Variants in CHD5 observed in about 807,000 individuals in gnomAD.
CHD5 encodes the protein ATP-dependent chromatin remodeler CHD5.
In CHD5, 69 loss-of-function variants were observed where a neutral mutation model predicts 230.3. The observed-to-expected ratio is 0.30, with a 90% CI of 0.25 to 0.37. The LOEUF is 0.37. CHD5 is among the 10% of genes least tolerant of loss of function. The pLI, the probability that CHD5 is intolerant of heterozygous loss-of-function variation, is 1.00. For synonymous variants in CHD5, 1,064 were observed against 1,065.9 expected, an observed-to-expected ratio of 1.00 and a Z score of 0.03; for missense variants, 1,827 against 2,622.8, an observed-to-expected ratio of 0.70 and a Z score of 6.63.
intron 38 of CHD5, 54 bp downstream of exon 38, chr1:6,109,741 G>T (rs1459822323): frequency 1.3e-6 from 2 of 1,497,516 alleles, no homozygotes; most frequent in Admixed American, 1.8e-5. Flanking sequence ...AAGAGCGCTC[G>T]CTGGGCAGGA....
chr1:6,116,600 A>G (rs1206178776), intron 33 of CHD5, among the ~76,000 whole-genome samples: 1 of 152,234 alleles, frequency 6.6e-6, no homozygotes, highest in Non-Finnish European at 1.5e-5. Flanking sequence ...CAATTACACC[A>G]ACAGCAGCCT....
chr1:6,129,166 A>C lies in CHD5; in HGVS notation c.3388-97T>G. On this transcript the variant is annotated intron_variant, in intron 22 of 41. Transcript: ENST00000262450. The surrounding 1 kb of genome is among the most constrained non-coding windows in gnomAD (Gnocchi z 6.8). ...AGCTCAAGAGCATGGAATGGGCTGCATGACTGTGTAGGGAAAGGCGTGTGG... is the reference window on the plus strand; with the variant it reads ...AGCTCAAGAGCATGGAATGGGCTGCCTGACTGTGTAGGGAAAGGCGTGTGG... 1.2e-6 allele frequency: 1 copy of C among 823,890 alleles called. No homozygotes were observed. Among genetic ancestry groups the C allele is most frequent in the Non-Finnish European group, 2.0e-6 (1 of 511,902 alleles). The allele number at this position is 823,890 out of a possible 1,614,324, so 51.0% of individuals were successfully genotyped here.
intron 1 of CHD5, among the ~76,000 whole-genome samples, chr1:6,171,260 G>C (rs995026909): frequency 3.3e-5 from 5 of 152,214 alleles, no homozygotes; most frequent in African/African-American, 1.2e-4. Context: ...CCCACGCCCA[G>C]AACAGGCCTT....
At chr1:6,133,837 G>T (rs10864380) in intron 20 of CHD5, among the ~76,000 whole-genome samples, 28,088 of 152,212 alleles carry the variant, frequency 0.18, 3,423 homozygotes, top group East Asian at 0.66. Flanking sequence ...AAGCCAGGCT[G>T]CGGGGGAGAG....
Position 6,151,126 on chromosome 1 carries a change from G to C in CHD5, c.900C>G (p.Asp300Glu). The C allele has an allele frequency of 6.2e-7, 1 of 1,609,158 alleles. No individual in the cohort carries two copies. Among genetic ancestry groups the C allele is most frequent in the Non-Finnish European group, 8.5e-7 (1 of 1,177,512 alleles). ...CACTGTGGATGCTGGCGCTGTCGAA[G>C]TCCGACTCCTCCCTCTCATCTTCTT... is the stretch of plus-strand genomic sequence containing the variant. ...SSEEDEREES[D>E]FDSASIHSAS... The change falls in exon 7 of 42, where the codon GAC (aspartate) becomes GAG (glutamate). Residue 300 changes from aspartate to glutamate, a missense_variant. Physicochemically the swap from Asp to Glu is conservative, Grantham distance 45 (BLOSUM62 2). Around this residue, in one of 14 missense-constraint regions of CHD5, gnomAD observed 657 missense variants for 816.4 expected, o/e 0.80. Transcript: ENST00000262450.
At chr1:6,117,991 G>C (rs576401956) in intron 33 of CHD5, among the ~76,000 whole-genome samples, 5 of 152,248 alleles carry the variant, frequency 3.3e-5, no homozygotes, top group African/African-American at 1.2e-4. Flanking sequence ...GTACACAAAT[G>C]TGTACAGTAG....
In CHD5 at chr1:6,130,506, G is replaced by A. The variant is rs1296888704; in HGVS notation, c.3263-178C>T. ...ACAGCTGCACTCAGGGGAGCCAGAG[G>A]AGGCCTGCCCAAGCCCACTTAGCCC... On this transcript the variant is annotated intron_variant, in intron 21 of 41. Transcript: ENST00000262450. This position sits in a 1 kb window ranked among gnomAD's most constrained non-coding sequence, Gnocchi z 4.9. Among the ~76,000 whole-genome samples the A allele has an allele frequency of 6.6e-6, 1 of 152,110 alleles. No homozygotes were observed. Among genetic ancestry groups the A allele is most frequent in the African/African-American group, 2.4e-5 (1 of 41,400 alleles).
At chr1:6,150,424 GGAT>G (rs1465369418) in intron 7 of CHD5, among the ~76,000 whole-genome samples, 5 of 149,136 alleles carry the variant, frequency 3.4e-5, no homozygotes, top group Non-Finnish European at 4.5e-5. Flanking sequence ...GTGGATGGAT[GGAT>G]GATAGGATGG....
At position 6,146,541 on chromosome 1, in the gene CHD5, C is replaced by T; in HGVS notation, c.1591-118G>A. The T allele has an allele frequency of 7.2e-7, 1 of 1,389,836 alleles. No individual in the cohort carries two copies. The highest frequency in any genetic ancestry group is 1.0e-6 in the Non-Finnish European group (1 of 987,682). The allele number at this position is 1,389,836 out of a possible 1,614,324, so 86.1% of individuals were successfully genotyped here. ...CAGGCAGGACAATCCTCCCGCTCAG[C>T]ACCACCCCAACTCCCAACAGCACCC... On this transcript the variant is annotated intron_variant, in intron 10 of 41. Transcript: ENST00000262450. The surrounding 1 kb of genome is among the most constrained non-coding windows in gnomAD (Gnocchi z 5.1).
chr1:6,175,074 G>A (rs913825878), intron 1 of CHD5, among the ~76,000 whole-genome samples: 4 of 149,232 alleles, frequency 2.7e-5, no homozygotes, highest in Non-Finnish European at 6.0e-5. Context: ...GAATGGATGA[G>A]TGGATGGTGG....
intron 36 of CHD5, 98 bp from the exon 37 acceptor site, chr1:6,110,624 G>C (rs758196674): frequency 5.4e-6 from 7 of 1,303,262 alleles, no homozygotes; most frequent in Non-Finnish European, 6.4e-6. Flanking sequence ...CCCGGGGGTC[G>C]GCATTCTGGC....
intron 15 of CHD5, among the ~76,000 whole-genome samples, chr1:6,139,558 GAGAC>G (rs1298018047): frequency 1.4e-5 from 2 of 145,644 alleles, no homozygotes; most frequent in Non-Finnish European, 3.0e-5. Context: ...TTTTTTTAAA[GAGAC>G]AGAGTCTCAT....
intron 15 of CHD5, among the ~76,000 whole-genome samples, chr1:6,137,781 T>C (rs1571153648): frequency 6.6e-6 from 1 of 152,380 alleles, no homozygotes; most frequent in African/African-American, 2.4e-5. Context: ...GTGAAATTAT[T>C]AATCATTTTG....
rs978218868 is a variant in CHD5, at chr1:6,130,925, G to A, written c.3263-597C>T. On this transcript the variant is annotated intron_variant, in intron 21 of 41. Coordinates refer to ENST00000262450, the MANE Select transcript of CHD5 (RefSeq NM_015557.3). The surrounding 1 kb of genome is among the most constrained non-coding windows in gnomAD (Gnocchi z 4.9). ...CTGCTTCCACATGTGGCTGGGCCAC[G>A]TCTAGACCCTGAAACTCTGAACTTG... Among the ~76,000 whole-genome samples, 1 of 152,240 alleles carries A rather than the reference G, an allele frequency of 6.6e-6. No homozygotes were observed. Among genetic ancestry groups the A allele is most frequent in the African/African-American group, 2.4e-5 (1 of 41,464 alleles).
At chr1:6,113,266 T>C (rs1571139749) in intron 33 of CHD5, 2 of 444,918 alleles carry the variant, frequency 4.5e-6, no homozygotes, top group Non-Finnish European at 8.4e-6. Context: ...CTACAAAAAA[T>C]ACAACAACTT....
intron 33 of CHD5, among the ~76,000 whole-genome samples, chr1:6,118,855 G>A (rs1490701846): frequency 2.0e-5 from 3 of 151,568 alleles, no homozygotes; most frequent in East Asian, 1.9e-4. Flanking sequence ...CCACCACCAC[G>A]CCCAGCTGAT....
chr1:6,126,764 C>T lies in CHD5; in HGVS notation c.3904-18G>A, dbSNP rs369494695. ...ACCTCCTCCTGGGGACGCAGCACCA[C>T]GGGTTCCATGGGTGGAGCCATCTCT... On this transcript the variant is annotated intron_variant, in intron 25 of 41. Coordinates refer to ENST00000262450, the MANE Select transcript of CHD5 (RefSeq NM_015557.3). The surrounding 1 kb of genome is among the most constrained non-coding windows in gnomAD (Gnocchi z 5.7). The T allele has an allele frequency of 1.8e-5, 29 of 1,608,910 alleles. No individual in the cohort carries two copies. In the East Asian group the frequency reaches 4.5e-4, roughly 25 times the overall value.
chr1:6,159,294 G>A, intron 3 of CHD5, 42 bp downstream of exon 3: 2 of 1,549,338 alleles, frequency 1.3e-6, no homozygotes, highest in Non-Finnish European at 1.7e-6. Flanking sequence ...CCCCTTAAAG[G>A]GGGATGTCGC....
chr1:6,112,884 T>A (rs776330540), intron 34 of CHD5, 25 bp downstream of exon 34: 91 of 1,571,234 alleles, frequency 5.8e-5, no homozygotes, highest in Non-Finnish European at 7.6e-5. Flanking sequence ...GGGGCACAGG[T>A]AGAGAACACA....
Sources: allele counts gnomAD v4.1 joint callset (sites outside exome capture counted in the v4.1 genomes callset), GRCh38; gene constraint gnomAD v4.1.1; regional missense constraint gnomAD v4.1.1; non-coding constraint Gnocchi (gnomAD v3.1); transcripts MANE v1.5; gene names NCBI Gene and HGNC (gene_info 2026-07-23, HGNC 2026-07-21).